ARHGEF12: variants seen among roughly 807,000 people sequenced by gnomAD.
The protein encoded by ARHGEF12 is Rho guanine nucleotide exchange factor 12.
In ARHGEF12, 66 loss-of-function variants were observed where a neutral mutation model predicts 211.2. The observed-to-expected ratio is 0.31, with a 90% confidence interval of 0.26 to 0.38. ARHGEF12 has a LOEUF of 0.38. Ranked by LOEUF, ARHGEF12 falls within the 10% of genes least tolerant of loss-of-function variation. The pLI, the probability that ARHGEF12 is intolerant of heterozygous loss-of-function variation, is 1.00. For synonymous variants in ARHGEF12, 592 were observed against 638.4 expected (o/e 0.93, Z 1.09); for missense variants, 1,429 against 1,869.5 (o/e 0.76, Z 4.34).
intron 12 of ARHGEF12, among the ~76,000 whole-genome samples, chr11:120,437,794 C>G (rs775765464): frequency 3.9e-5 from 6 of 152,150 alleles, no homozygotes; most frequent in African/African-American, 4.8e-5. Flanking sequence ...AATTTGACTA[C>G]TTTAGATACT....
intron 4 of ARHGEF12, among the ~76,000 whole-genome samples, chr11:120,415,371 A>G (rs1042057041): frequency 1.3e-5 from 2 of 152,204 alleles, no homozygotes; most frequent in Non-Finnish European, 2.9e-5. Context: ...AGAAACTCCA[A>G]GTAGTCTTGG....
intron 35 of ARHGEF12, 22 bp from the exon 36 acceptor site, chr11:120,477,425 T>G (rs772472136): frequency 5.6e-5 from 86 of 1,538,266 alleles, no homozygotes; most frequent in Middle Eastern, 1.7e-4. Flanking sequence ...AAAAGTTTTT[T>G]TTTTTTTTTT....
chr11:120,427,732 A>G (rs1591578352), intron 7 of ARHGEF12, among the ~76,000 whole-genome samples: 1 of 152,028 alleles, frequency 6.6e-6, no homozygotes, highest in Non-Finnish European at 1.5e-5. Flanking sequence ...ATAGCCACTA[A>G]TAGATGGTTG....
chr11:120,425,415 C>T (rs553559498), intron 7 of ARHGEF12, among the ~76,000 whole-genome samples: 4 of 150,496 alleles, frequency 2.7e-5, no homozygotes, highest in Non-Finnish European at 3.0e-5. Flanking sequence ...TAGCTCACTA[C>T]AGCCTCCAAC....
chr11:120,437,461 G>A (rs1018270418), intron 12 of ARHGEF12, 79 bp downstream of exon 12: 1 of 941,470 alleles, frequency 1.1e-6, no homozygotes, highest in African/African-American at 1.7e-5. Flanking sequence ...CACATCTGAT[G>A]TTTACATATT....
intron 22 of ARHGEF12, among the ~76,000 whole-genome samples, chr11:120,452,444 A>G (rs1043540762): frequency 2.4e-4 from 37 of 152,164 alleles, no homozygotes; most frequent in African/African-American, 8.4e-4. Context: ...GACATGATCA[A>G]GAATGAGGCT....
chr11:120,428,138 C>T lies in ARHGEF12; in HGVS notation c.476C>T (p.Ser159Phe). ...PGSPQIPLAD[S>F]EVEPSVIGHM... ...TCGCCCCAGATTCCACTTGCCGACTCTGAAGTAGAGCCGTCAGTCATTGGA... is the reference window on the plus strand; with the variant it reads ...TCGCCCCAGATTCCACTTGCCGACTTTGAAGTAGAGCCGTCAGTCATTGGA... The change falls in exon 8 of 41, where the codon TCT becomes TTT. Residue 159 changes from serine to phenylalanine, a missense_variant. Physicochemically the swap from Ser to Phe is radical, Grantham distance 155. Around this residue, in one of 7 missense-constraint regions of ARHGEF12, gnomAD observed 254 missense variants for 286.4 expected, o/e 0.89. Coordinates refer to ENST00000397843, the MANE Select transcript of ARHGEF12 (RefSeq NM_015313.3). 1.2e-6 allele frequency: 2 copies of T among 1,609,842 alleles called. No individual in the cohort carries two copies. Among genetic ancestry groups the T allele is most frequent in the Non-Finnish European group, 1.7e-6 (2 of 1,178,260 alleles).
chr11:120,477,883 G>GAAAAAAAAAAAAAAAA (rs1428274429), intron 36 of ARHGEF12, among the ~76,000 whole-genome samples: 1 of 138,968 alleles, frequency 7.2e-6, no homozygotes, highest in African/African-American at 2.9e-5. Context: ...AAGAAAAAAA[G>GAAAAAAAAAAAAAAAA]AAAAAAAAGA....
chr11:120,430,728 A>G (rs1945498908), intron 10 of ARHGEF12, among the ~76,000 whole-genome samples: 1 of 152,222 alleles, frequency 6.6e-6, no homozygotes, highest in African/African-American at 2.4e-5. Context: ...CATCTAGCCT[A>G]ATCTGCTTAC....
At chr11:120,370,810 C>A (rs1591511524) in intron 1 of ARHGEF12, among the ~76,000 whole-genome samples, 1 of 152,064 alleles carries the variant, frequency 6.6e-6, no homozygotes, top group Admixed American at 6.6e-5. Context: ...TCCTTCCCAT[C>A]CCCCATTCCA....
At chr11:120,343,183 A>G (rs1942588122) in intron 1 of ARHGEF12, among the ~76,000 whole-genome samples, 2 of 152,234 alleles carry the variant, frequency 1.3e-5, no homozygotes, top group Admixed American at 1.3e-4. Flanking sequence ...TTAGATTATT[A>G]TAAAATCTGT....
intron 1 of ARHGEF12, among the ~76,000 whole-genome samples, chr11:120,372,881 T>A (rs1943626963): frequency 6.6e-6 from 1 of 152,164 alleles, no homozygotes; most frequent in Non-Finnish European, 1.5e-5. Context: ...AAACTGTAAC[T>A]TATTGATAAT....
Position 120,488,816 on chromosome 11 carries a change from T to C in ARHGEF12, c.*3739T>C. The C allele has an allele frequency of 4.8e-6, 1 of 209,106 alleles. No individual in the cohort carries two copies. Among genetic ancestry groups the C allele is most frequent in the Non-Finnish European group, 9.8e-6 (1 of 102,534 alleles). 13.0% of individuals were successfully genotyped at this position (209,106 alleles called of 1,614,324 possible). ...ACTATCTTTAAAAAAACTTTATTAA[T>C]AATCATGTATTTTTACTGATCACAT... On this transcript the variant is annotated 3_prime_UTR_variant, in exon 41 of 41. Transcript: ENST00000397843.
At chr11:120,465,672 T>A (rs1002709039) in intron 28 of ARHGEF12, among the ~76,000 whole-genome samples, 5 of 152,204 alleles carry the variant, frequency 3.3e-5, no homozygotes, top group African/African-American at 1.2e-4. Flanking sequence ...TTCACCATGT[T>A]GGCCAGGCTG....
intron 1 of ARHGEF12, among the ~76,000 whole-genome samples, chr11:120,355,741 T>C (rs1943113961): frequency 6.6e-6 from 1 of 152,222 alleles, no homozygotes; most frequent in East Asian, 1.9e-4. Flanking sequence ...CCAGATCTTT[T>C]TGACTCTTGA....
At chr11:120,355,088 C>T (rs1233363976) in intron 1 of ARHGEF12, among the ~76,000 whole-genome samples, 2 of 152,176 alleles carry the variant, frequency 1.3e-5, no homozygotes, top group Non-Finnish European at 2.9e-5. Flanking sequence ...TATGACTAAT[C>T]TGGAGGATGT....
intron 1 of ARHGEF12, among the ~76,000 whole-genome samples, chr11:120,349,035 T>C (rs978498636): frequency 3.3e-5 from 5 of 152,174 alleles, no homozygotes; most frequent in Non-Finnish European, 7.3e-5. Flanking sequence ...GGATACCCAA[T>C]GTGTACCTTT....
rs368974955 is a variant in ARHGEF12 at position 120,337,550 on chromosome 11, G to C, written c.32+275G>C. ...GGTTTTCCGCCTGTAGTGTGCATTA[G>C]GATTGTGTACTCGTCTGGAAATCAG... is the stretch of plus-strand genomic sequence containing the variant. On this transcript the variant is annotated intron_variant, in intron 1 of 40. Transcript: ENST00000397843. 3.9e-5 allele frequency: 38 copies of C among 985,258 alleles called. No homozygotes were observed. In the East Asian group the frequency reaches 7.9e-4, roughly 21 times the overall value. 61.0% of individuals were successfully genotyped at this position (985,258 alleles called of 1,614,324 possible).
chr11:120,382,263 TTA>T (rs1384262186), intron 1 of ARHGEF12, among the ~76,000 whole-genome samples: 6 of 152,258 alleles, frequency 3.9e-5, no homozygotes, highest in African/African-American at 1.4e-4. Flanking sequence ...CTTTTGTTCT[TTA>T]TAGAAATGGA....
Sources: allele counts gnomAD v4.1 joint callset (sites outside exome capture counted in the v4.1 genomes callset), GRCh38; gene constraint gnomAD v4.1.1; regional missense constraint gnomAD v4.1.1; transcripts MANE v1.5; gene names NCBI Gene and HGNC (gene_info 2026-07-23, HGNC 2026-07-21).